The following SULT6B1 variants were observed in gnomAD, a reference collection of about 807,000 sequenced individuals.
SULT6B1 encodes sulfotransferase family 6B member 1, also known as sulfotransferase 6B1.
Under a neutral mutation model 37.2 loss-of-function variants are expected in SULT6B1, and 44 were observed. The observed-to-expected ratio is 1.18, with a 90% CI of 0.93 to 1.52. The LOEUF (loss-of-function observed/expected upper bound fraction) is 1.52. SULT6B1 is among the 40% of genes most tolerant of loss of function. SULT6B1 has a pLI of 0.00. For synonymous variants in SULT6B1, 140 were observed against 126.0 expected, an observed-to-expected ratio of 1.11 and a Z score of -0.74; for missense variants, 450 against 361.0, an observed-to-expected ratio of 1.25 and a Z score of -2.00.
chr2:37,168,029 A>G lies in SULT6B1; in HGVS notation c.818T>C (p.Ile273Thr), dbSNP rs200565400. ...VGDWKNLFSEIQNQEMDEKFK... is the reference protein window; with the variant it reads ...VGDWKNLFSETQNQEMDEKFK... ...TTTTTCATCCATTTCCTGGTTCTGA[A>G]TTTCACTGAACAAATTTTTCCAATC... Residue 273 changes from isoleucine to threonine, a missense_variant, in exon 7 of 7, where the codon ATT becomes ACT. Transcript: ENST00000535679. 9.0e-5 allele frequency: 144 copies of G among 1,598,048 alleles called. 1 individual carries two copies. In the East Asian group the frequency reaches 3.2e-3, roughly 35 times the overall value.
chr2:37,176,191 T>C (rs189308641), intron 4 of SULT6B1, among the ~76,000 whole-genome samples: 1 of 151,888 alleles, frequency 6.6e-6, no homozygotes, highest in Non-Finnish European at 1.5e-5. Flanking sequence ...TGGGGCGTTA[T>C]GAGGTTTAAA....
chr2:37,189,376 G>A (rs1306462153), upstream of SULT6B1, among the ~76,000 whole-genome samples: 1 of 152,244 alleles, frequency 6.6e-6, no homozygotes. Flanking sequence ...GCAAGTTTCA[G>A]AGCAGGAGTG....
intron 4 of SULT6B1, among the ~76,000 whole-genome samples, chr2:37,176,827 G>A (rs550235337): frequency 1.3e-5 from 2 of 152,268 alleles, no homozygotes; most frequent in East Asian, 3.9e-4. Context: ...GTTCTGCCCA[G>A]TGAGACACAA....
chr2:37,189,668 T>C (rs1676743001), upstream of SULT6B1, among the ~76,000 whole-genome samples: 1 of 152,140 alleles, frequency 6.6e-6, no homozygotes, highest in Non-Finnish European at 1.5e-5. Context: ...CCCCAGAAGG[T>C]CATACTACGT....
At chr2:37,183,251 C>CA (rs1676594863) in intron 3 of SULT6B1, among the ~76,000 whole-genome samples, 174 bp downstream of exon 3, 3 of 152,042 alleles carry the variant, frequency 2.0e-5, no homozygotes, top group Non-Finnish European at 4.4e-5. Context: ...ATGCATTTGA[C>CA]TTGAGTGCAA....
chr2:37,194,647 G>A lies in SULT6B1; in HGVS notation c.-22+1869C>T, dbSNP rs551072738. 85 of 286,018 alleles carry A rather than the reference G, an allele frequency of 3.0e-4. No individual in the cohort carries two copies. The South Asian group carries it at 3.0e-3, about 10-fold the overall frequency. The allele number at this position is 286,018 out of a possible 1,614,324, so 17.7% of individuals were successfully genotyped here. A position where few individuals can be genotyped will look rare whatever the true frequency, so the allele number is the denominator to read the frequency against. On this transcript the variant is annotated intron_variant, in intron 1 of 7. Transcript: ENST00000407963. ...TTCTTGAAGCCCACTCTGTGGATGT[G>A]CTTGTGAATGTTGGTGTATTCTTGG...
At chr2:37,172,050 ATTT>A (rs58709199) in intron 5 of SULT6B1, among the ~76,000 whole-genome samples, 16 of 146,944 alleles carry the variant, frequency 1.1e-4, no homozygotes, top group Non-Finnish European at 1.2e-4. Context: ...AACTTGAAGA[ATTT>A]TTTTTTTTTT....
chr2:37,172,696 C>T (rs958212329), intron 5 of SULT6B1, among the ~76,000 whole-genome samples: 2 of 151,886 alleles, frequency 1.3e-5, no homozygotes, highest in African/African-American at 4.8e-5. Context: ...TTAGTAGAAA[C>T]AGGGTTTCAC....
Position 37,175,223 on chromosome 2 carries a change from G to A in SULT6B1, c.533C>T (p.Ser178Phe). The A allele has an allele frequency of 6.4e-7, 1 of 1,569,692 alleles. No individual in the cohort carries two copies. Among genetic ancestry groups the A allele is most frequent in the Non-Finnish European group, 8.7e-7 (1 of 1,154,722 alleles). The part of the protein sequence containing the change: ...FFRQFMKGQV[S>F]WGRYFDFAIN... ...TGCAAAATCAAAATACCTTCCCCAA[G>A]AAACTAAAAACACAGGGGGGAAGAC... The change falls in exon 5 of 7, where the codon TCT (serine) becomes TTT (phenylalanine). Residue 178 changes from serine to phenylalanine, a missense_variant. Ser to Phe is a radical substitution (Grantham distance 155). Transcript: ENST00000535679.
intron 5 of SULT6B1, among the ~76,000 whole-genome samples, chr2:37,174,922 A>G (rs1300542319): frequency 6.6e-6 from 1 of 152,218 alleles, no homozygotes; most frequent in Non-Finnish European, 1.5e-5. Context: ...TTTTAGTAAT[A>G]AGTTGCTAAG....
chr2:37,171,482 T>G lies in SULT6B1; in HGVS notation c.733A>C (p.Lys245Gln), dbSNP rs1441896945. The change falls in exon 6 of 7, where the codon AAG becomes CAG. Residue 245 changes from lysine (K) to glutamine (Q), a missense_variant. Lys to Gln is a moderately conservative substitution (Grantham distance 53, BLOSUM62 1). Coordinates refer to ENST00000535679, the MANE Select transcript of SULT6B1 (RefSeq NM_001367551.1). Reference protein sequence around the residue: ...VQSTFQAMRAKSQDTHGAVGP... With the variant: ...VQSTFQAMRAQSQDTHGAVGP... ...ACAGCACCGTGTGTGTCCTGAGACT[T>G]CGCACGCATGGCTTGGAAGGTGCTC... 6.2e-7 allele frequency: 1 copy of G among 1,614,206 alleles called. No homozygotes were observed. Among genetic ancestry groups the G allele is most frequent in the East Asian group, 2.2e-5 (1 of 44,890 alleles).
At chr2:37,190,355 A>G (rs76638424), upstream of SULT6B1, among the ~76,000 whole-genome samples, 3,501 of 152,310 alleles carry the variant, frequency 0.023, 63 homozygotes, top group Middle Eastern at 0.054. Flanking sequence ...AATGTTAACC[A>G]GTGAAGAAGA....
At chr2:37,184,950 A>T (rs1676640326) in intron 2 of SULT6B1, among the ~76,000 whole-genome samples, 1 of 152,254 alleles carries the variant, frequency 6.6e-6, no homozygotes, top group Admixed American at 6.5e-5. Flanking sequence ...GGTGACTAGC[A>T]GTGTAAAATC....
At chr2:37,190,818 G>C (rs1470767244), upstream of SULT6B1, among the ~76,000 whole-genome samples, 2 of 152,132 alleles carry the variant, frequency 1.3e-5, no homozygotes, top group Non-Finnish European at 2.9e-5. Flanking sequence ...TGGAGGTCTG[G>C]CTGGCATTAT....
chr2:37,179,685 A>G, intron 3 of SULT6B1, 101 bp from the exon 4 acceptor site: 1 of 1,033,966 alleles, frequency 9.7e-7, no homozygotes. Context: ...TATATTACAT[A>G]ATTGTGTTAA....
At chr2:37,180,581 AG>A (rs1676529406) in intron 3 of SULT6B1, among the ~76,000 whole-genome samples, 1 of 152,150 alleles carries the variant, frequency 6.6e-6, no homozygotes, top group Non-Finnish European at 1.5e-5. Flanking sequence ...AGGAGCAGTT[AG>A]GCATATGAAA....
chr2:37,170,000 A>G (rs530784806), intron 6 of SULT6B1, among the ~76,000 whole-genome samples: 74 of 152,330 alleles, frequency 4.9e-4, no homozygotes, highest in Middle Eastern at 3.4e-3. Context: ...GAATACTTTA[A>G]TGAAATATAG....
chr2:37,187,207 T>C lies in SULT6B1; in HGVS notation c.312+148A>G, dbSNP rs182491167. On this transcript the variant is annotated intron_variant, in intron 2 of 6. Transcript: ENST00000535679. ...ATTTTGCAGAAAATGAGATGATACC[T>C]GAACAGTGCTGAGGATATGGTAAGC... is the stretch of plus-strand genomic sequence containing the variant. The C allele has an allele frequency of 2.1e-3, 1,115 of 522,630 alleles. 1 individual carries two copies. The highest frequency in any genetic ancestry group is 3.1e-3 in the Non-Finnish European group (906 of 287,976). The allele number at this position is 522,630 out of a possible 1,614,324, so 32.4% of individuals were successfully genotyped here. A position where few individuals can be genotyped will look rare whatever the true frequency, so the allele number is the denominator to read the frequency against.
intron 1 of SULT6B1, 117 bp downstream of exon 1, chr2:37,188,325 C>G (rs746725279): frequency 6.2e-6 from 5 of 811,572 alleles, no homozygotes; most frequent in Non-Finnish European, 1.0e-5. Flanking sequence ...CTCCTCCTCA[C>G]TGATGCTCAG....
Sources: allele counts gnomAD v4.1 joint callset (sites outside exome capture counted in the v4.1 genomes callset), GRCh38; gene constraint gnomAD v4.1.1; transcripts MANE v1.5; gene names NCBI Gene and HGNC (gene_info 2026-07-23, HGNC 2026-07-21).